TLE3: variants seen among roughly 807,000 people sequenced by gnomAD.
The protein encoded by TLE3 is TLE family member 3, transcriptional corepressor.
Under a neutral mutation model 93.0 loss-of-function variants are expected in TLE3, and 14 were observed. That is an observed-to-expected ratio of 0.15 (90% CI 0.10 to 0.24). The LOEUF (loss-of-function observed/expected upper bound fraction) is 0.24. Ranked by LOEUF, TLE3 falls within the 10% of genes least tolerant of loss-of-function variation. The pLI is 1.00. For missense variants in TLE3, 693 were observed against 1,046.6 expected (o/e 0.66, Z 4.66); for synonymous variants, 451 against 425.0 (o/e 1.06, Z -0.75).
At position 70,057,668 on chromosome 15, in the gene TLE3, G is replaced by A. The variant is rs756248060; in HGVS notation, c.1052-10C>T. 5.1e-6 allele frequency: 8 copies of A among 1,559,610 alleles called. No individual in the cohort carries two copies. The East Asian group carries it at 1.9e-4, about 37-fold the overall frequency. ...GTGCGCAGAGCCGAGGCTGCGAGGGGTGGGCGTCAGGGAGGTGGGCCTTAG... is the reference window on the plus strand; with the variant it reads ...GTGCGCAGAGCCGAGGCTGCGAGGGATGGGCGTCAGGGAGGTGGGCCTTAG... On this transcript the variant is annotated splice_polypyrimidine_tract_variant and intron_variant, in intron 12 of 19. Coordinates refer to ENST00000451782, the MANE Select transcript of TLE3 (RefSeq NM_001105192.3).
intron 4 of TLE3, among the ~76,000 whole-genome samples, chr15:70,086,518 C>A (rs1046721824): frequency 1.3e-5 from 2 of 152,140 alleles, no homozygotes; most frequent in South Asian, 2.1e-4. Flanking sequence ...CTCTCCTGTA[C>A]CCAAATTGCA....
intron 6 of TLE3, among the ~76,000 whole-genome samples, chr15:70,072,619 C>T (rs374469845): frequency 6.6e-6 from 1 of 152,336 alleles, no homozygotes; most frequent in African/African-American, 2.4e-5. Flanking sequence ...GCCACCTGGG[C>T]CTCTGGCCTG....
At chr15:70,094,672 C>G (rs1356825742) in intron 3 of TLE3, 96 bp from the exon 4 acceptor site, 1 of 890,344 alleles carries the variant, frequency 1.1e-6, no homozygotes, top group South Asian at 1.6e-5. Context: ...CCAAATCATA[C>G]TTTTACGATA....
chr15:70,058,724 C>A lies in TLE3; in HGVS notation c.857G>T (p.Ser286Ile). ...ACTGGAAGAGGCCACCGAGGCAGGG[C>A]TGGTGGGGGCATCTTTTTTCAGGCT... ...ARSLKKDAPT[S>I]PASVASSSST... Residue 286 changes from serine to isoleucine, a missense_variant, in exon 11 of 20, where the codon AGC becomes ATC. By Grantham distance (142) the Ser-to-Ile change is moderately radical. This residue lies in a region of TLE3 where 405 missense variants were observed against 468.9 expected (regional missense o/e 0.86). Transcript: ENST00000451782. The surrounding 1 kb of genome is among the most constrained non-coding windows in gnomAD (Gnocchi z 4.1). The A allele has an allele frequency of 6.2e-7, 1 of 1,610,026 alleles. No homozygotes were observed. Among genetic ancestry groups the A allele is most frequent in the Non-Finnish European group, 8.5e-7 (1 of 1,178,312 alleles).
rs546307053 is a variant in TLE3 at position 70,051,191 on chromosome 15, TGTCCTGCTGAA to T, written c.2202+189_2202+199del. On this transcript the variant is annotated intron_variant, in intron 19 of 19. Coordinates refer to ENST00000451782, the MANE Select transcript of TLE3 (RefSeq NM_001105192.3). ...CAGAAGCCATCAGTAGCAGATTGTG[TGTCCTGCTGAA>T]GTCCCCAGGTCCTTGGGAGAACCCA... 164 of 487,444 alleles carry T rather than the reference TGTCCTGCTGAA, an allele frequency of 3.4e-4. 2 individuals are homozygous for T. In the East Asian group the frequency reaches 5.5e-3, roughly 16 times the overall value. 30.2% of individuals were successfully genotyped at this position (487,444 alleles called of 1,614,324 possible).
At chr15:70,074,336 G>A (rs936615958) in intron 6 of TLE3, among the ~76,000 whole-genome samples, 197 bp downstream of exon 6, 22 of 152,246 alleles carry the variant, frequency 1.4e-4, no homozygotes, top group African/African-American at 5.3e-4. Flanking sequence ...TTAGTTTGAG[G>A]ACTAGGAGGC....
intron 4 of TLE3, among the ~76,000 whole-genome samples, chr15:70,085,350 G>A (rs1010396483): frequency 6.6e-6 from 1 of 152,100 alleles, no homozygotes; most frequent in Non-Finnish European, 1.5e-5. Context: ...AGGATCACCC[G>A]GCAAGAACTT....
At chr15:70,088,877 C>T (rs111934263) in intron 4 of TLE3, among the ~76,000 whole-genome samples, 2,764 of 151,842 alleles carry the variant, frequency 0.018, 45 homozygotes, top group Non-Finnish European at 0.024. Context: ...AGCGGGCCCC[C>T]GCCCCCGCCC....
chr15:70,088,351 G>A (rs547398576), intron 4 of TLE3, among the ~76,000 whole-genome samples: 65 of 152,302 alleles, frequency 4.3e-4, no homozygotes, highest in African/African-American at 8.9e-4. Context: ...GCGGCAGGAC[G>A]TTTCCCCCTT....
At chr15:70,054,976 T>G (rs893185526) in intron 15 of TLE3, 73 bp downstream of exon 15, 171 of 1,507,816 alleles carry the variant, frequency 1.1e-4, no homozygotes, top group Middle Eastern at 4.6e-4. Context: ...GCCCTGGGGC[T>G]CTCCCCTGTG....
intron 2 of TLE3, chr15:70,095,846 G>C (rs2142107308): frequency 4.5e-6 from 3 of 663,764 alleles, no homozygotes; most frequent in East Asian, 5.5e-5. Context: ...CTTCCCGCGA[G>C]CCAAAGGACT....
In TLE3 at chr15:70,095,537, C is replaced by A. The variant is rs1369077053; in HGVS notation, c.189+41G>T. 8 of 1,547,390 alleles carry A rather than the reference C, an allele frequency of 5.2e-6. No homozygotes were observed. The South Asian group carries it at 8.4e-5, about 16-fold the overall frequency. On this transcript the variant is annotated intron_variant, in intron 3 of 19. Transcript: ENST00000451782. ...TCCACGCCGCGCCCCCGGCCGGGGT[C>A]GGCGCCCCAACCGCCCCCCAGGCCC...
chr15:70,070,181 C>T (rs2057066150), intron 6 of TLE3, among the ~76,000 whole-genome samples: 1 of 152,242 alleles, frequency 6.6e-6, no homozygotes, highest in African/African-American at 2.4e-5. Flanking sequence ...ACTTTTCCCT[C>T]CTTGAACATT....
At chr15:70,064,969 C>A (rs564463354) in intron 7 of TLE3, among the ~76,000 whole-genome samples, 6 of 151,258 alleles carry the variant, frequency 4.0e-5, no homozygotes, top group Admixed American at 1.3e-4. Flanking sequence ...TAACACCATT[C>A]TGTGATTCTT....
At chr15:70,064,600 G>A in intron 7 of TLE3, 130 bp from the exon 8 acceptor site, 2 of 1,259,266 alleles carry the variant, frequency 1.6e-6, no homozygotes, top group Non-Finnish European at 2.2e-6. Flanking sequence ...GTTTTAAAAT[G>A]AGCAGAAGGC....
intron 4 of TLE3, among the ~76,000 whole-genome samples, chr15:70,079,800 A>C (rs1398963726): frequency 6.6e-6 from 1 of 152,118 alleles, no homozygotes; most frequent in East Asian, 1.9e-4. Context: ...CCATGTGTGC[A>C]TCCACAATAA....
At chr15:70,085,958 A>C (rs1158069385) in intron 4 of TLE3, among the ~76,000 whole-genome samples, 1 of 152,236 alleles carries the variant, frequency 6.6e-6, no homozygotes, top group East Asian at 1.9e-4. Context: ...GATCAGAGGA[A>C]GGGGCCTCCT....
intron 4 of TLE3, among the ~76,000 whole-genome samples, chr15:70,093,721 G>C (rs1439048851): frequency 6.6e-6 from 1 of 152,232 alleles, no homozygotes; most frequent in African/African-American, 2.4e-5. Flanking sequence ...GATAAAGGGT[G>C]TTTGTATTTG....
At chr15:70,093,361 G>C (rs150794645) in intron 4 of TLE3, among the ~76,000 whole-genome samples, 1 of 152,320 alleles carries the variant, frequency 6.6e-6, no homozygotes, top group African/African-American at 2.4e-5. Flanking sequence ...CACCCGAGTG[G>C]GTAGGAATCT....
Sources: allele counts gnomAD v4.1 joint callset (sites outside exome capture counted in the v4.1 genomes callset), GRCh38; gene constraint gnomAD v4.1.1; regional missense constraint gnomAD v4.1.1; non-coding constraint Gnocchi (gnomAD v3.1); transcripts MANE v1.5; gene names NCBI Gene and HGNC (gene_info 2026-07-23, HGNC 2026-07-21).